The following GPHN variants were observed in gnomAD, a reference collection of about 807,000 sequenced individuals.
The protein encoded by GPHN is gephyrin.
In GPHN, 17 loss-of-function variants were observed where a neutral mutation model predicts 95.5. The observed-to-expected ratio is 0.18, with a 90% CI of 0.12 to 0.27. The LOEUF is 0.27. Among genes scored for constraint, GPHN ranks in the 10% least tolerant of loss-of-function variants. GPHN has a pLI of 1.00. For synonymous variants in GPHN, 320 were observed against 322.5 expected, an observed-to-expected ratio of 0.99 and a Z score of 0.08; for missense variants, 660 against 978.1, an observed-to-expected ratio of 0.67 and a Z score of 4.34.
chr14:67,316,101 AT>A, the GPHN span, among the ~76,000 whole-genome samples: 1 of 152,262 alleles, frequency 6.6e-6, no homozygotes, highest in Non-Finnish European at 1.5e-5. Flanking sequence ...AGATTTAAAA[AT>A]AAAATAAAAA....
chr14:66,996,364 T>C (rs918764110), intron 9 of GPHN: 13 of 629,042 alleles, frequency 2.1e-5, no homozygotes, highest in Middle Eastern at 2.5e-4. Context: ...GGGGGAAAAT[T>C]CACCTGTTTT....
chr14:67,310,950 G>A, the GPHN span, among the ~76,000 whole-genome samples: 1 of 152,148 alleles, frequency 6.6e-6, no homozygotes, highest in Non-Finnish European at 1.5e-5. Context: ...CGCTTAAAAA[G>A]TGCCCCTTTT....
the GPHN span, among the ~76,000 whole-genome samples, chr14:67,195,830 G>A: frequency 1.5e-4 from 23 of 151,166 alleles, no homozygotes; most frequent in Admixed American, 5.3e-4. Context: ...TGCCATCTCC[G>A]CCTCCCGGGT....
the GPHN span, among the ~76,000 whole-genome samples, chr14:67,458,283 C>G: frequency 6.6e-6 from 1 of 152,164 alleles, no homozygotes; most frequent in Admixed American, 6.5e-5. Context: ...GAGGAGCCTC[C>G]TCCTCAGATT....
chr14:67,143,350 A>G lies in GPHN; in HGVS notation c.1749-12A>G. The G allele has an allele frequency of 6.4e-7, 1 of 1,574,218 alleles. No homozygotes were observed. Reference sequence around the variant, plus strand: ...CTTGTGTGTTAATTTCTTTGTCTTTATTTTTTTCCAGCCCAGATGACTTAC... The same window carrying G: ...CTTGTGTGTTAATTTCTTTGTCTTTGTTTTTTTCCAGCCCAGATGACTTAC... On this transcript the variant is annotated splice_polypyrimidine_tract_variant and intron_variant, in intron 17 of 22. Coordinates refer to ENST00000478722, the MANE Select transcript of GPHN (RefSeq NM_020806.5).
intron 4 of GPHN, among the ~76,000 whole-genome samples, chr14:66,869,298 G>A (rs2063341400): frequency 6.6e-6 from 1 of 152,174 alleles, no homozygotes; most frequent in Non-Finnish European, 1.5e-5. Context: ...TAGCATATGT[G>A]ATTGAAAGTG....
At chr14:67,701,654 C>A in the GPHN span, among the ~76,000 whole-genome samples, 2 of 151,930 alleles carry the variant, frequency 1.3e-5, no homozygotes, top group South Asian at 4.2e-4. Context: ...GAACTCCTGA[C>A]CTTGTGATCC....
chr14:67,077,297 A>G (rs2076530937), intron 11 of GPHN, among the ~76,000 whole-genome samples: 1 of 152,276 alleles, frequency 6.6e-6, no homozygotes, highest in Middle Eastern at 3.4e-3. Flanking sequence ...TTTGTGTTAG[A>G]TGATTCTGCC....
the GPHN span, chr14:67,620,826 A>G: frequency 6.5e-7 from 1 of 1,540,776 alleles, no homozygotes; most frequent in Non-Finnish European, 9.0e-7. Context: ...CTGGGAACTA[A>G]ATGTACCAAA....
chr14:66,590,460 G>T (rs533212177), intron 1 of GPHN, among the ~76,000 whole-genome samples: 1 of 152,176 alleles, frequency 6.6e-6, no homozygotes, highest in East Asian at 1.9e-4. Flanking sequence ...TTATAAAAAT[G>T]ATAAAGGGGA....
At chr14:67,318,783 C>T in the GPHN span, among the ~76,000 whole-genome samples, 24 of 152,180 alleles carry the variant, frequency 1.6e-4, 1 homozygote, top group South Asian at 4.8e-3. Flanking sequence ...TTAGGCCGGG[C>T]GCGGTGGGTC....
chr14:66,867,245 G>T (rs1436703494), intron 4 of GPHN, among the ~76,000 whole-genome samples: 1 of 152,080 alleles, frequency 6.6e-6, no homozygotes, highest in African/African-American at 2.4e-5. Context: ...TTTCCAGATT[G>T]CATCTTCTCT....
chr14:67,232,723 C>T, the GPHN span, among the ~76,000 whole-genome samples: 1 of 152,098 alleles, frequency 6.6e-6, no homozygotes, highest in Admixed American at 6.5e-5. Context: ...TATTCATAGC[C>T]TATATTCAGT....
the GPHN span, among the ~76,000 whole-genome samples, chr14:67,520,713 A>G: frequency 1.3e-5 from 2 of 152,154 alleles, no homozygotes; most frequent in African/African-American, 4.8e-5. Context: ...TTTACCCATC[A>G]CCTACTGAAG....
At chr14:67,639,422 T>C in the GPHN span, among the ~76,000 whole-genome samples, 1 of 152,200 alleles carries the variant, frequency 6.6e-6, no homozygotes, top group African/African-American at 2.4e-5. Flanking sequence ...GCCTTTTATA[T>C]GACTATTCCT....
chr14:67,162,600 A>C (rs1293754389), intron 19 of GPHN, among the ~76,000 whole-genome samples: 1 of 152,220 alleles, frequency 6.6e-6, no homozygotes, highest in East Asian at 1.9e-4. Flanking sequence ...CAGTGAGCAT[A>C]GCTGTTATTA....
intron 2 of GPHN, among the ~76,000 whole-genome samples, chr14:66,721,125 C>G (rs767424799): frequency 2.0e-5 from 3 of 152,154 alleles, no homozygotes; most frequent in Admixed American, 2.0e-4. Context: ...CTTACCCAGT[C>G]CAATGGTATG....
chr14:67,341,327 C>T, the GPHN span, among the ~76,000 whole-genome samples: 7 of 152,092 alleles, frequency 4.6e-5, no homozygotes, highest in African/African-American at 9.6e-5. Flanking sequence ...CCGGCCACCC[C>T]GTCTGAGAAG....
the GPHN span, among the ~76,000 whole-genome samples, chr14:67,329,275 C>A: frequency 4.2e-4 from 63 of 151,684 alleles, no homozygotes; most frequent in East Asian, 5.8e-4. Context: ...TTGGCTCTCT[C>A]TTTGTCTGTT....
Sources: gnomAD v4.1 joint callset for allele counts (sites outside exome capture counted in the v4.1 genomes callset) on GRCh38, gnomAD v4.1.1 for gene constraint, MANE v1.5 for transcripts, NCBI Gene and HGNC (gene_info 2026-07-23, HGNC 2026-07-21) for gene names.